SRL: variants seen among roughly 807,000 people sequenced by gnomAD.
SRL encodes the protein sarcalumenin.
SRL carries 23 observed loss-of-function variants against 39.5 expected under a neutral mutation model. The observed-to-expected ratio is 0.58, with a 90% CI of 0.42 to 0.82. The LOEUF is 0.82. Among genes scored for constraint, SRL ranks in the 40% least tolerant of loss-of-function variants. SRL has a pLI of 0.00. For synonymous variants in SRL, 272 were observed against 237.4 expected, an observed-to-expected ratio of 1.15 and a Z score of -1.34; for missense variants, 592 against 607.8, an observed-to-expected ratio of 0.97 and a Z score of 0.27.
intron 2 of SRL, among the ~76,000 whole-genome samples, chr16:4,204,214 G>C (rs62039294): frequency 3.9e-5 from 6 of 152,290 alleles, no homozygotes; most frequent in Middle Eastern, 3.4e-3. Flanking sequence ...AAATCACAGC[G>C]AGGGAGATGG....
chr16:4,197,013 A>G (rs1228123561), intron 4 of SRL, among the ~76,000 whole-genome samples: 3 of 150,070 alleles, frequency 2.0e-5, no homozygotes, highest in African/African-American at 4.9e-5. Context: ...GCTGCTATGG[A>G]CATTGGTGCA....
chr16:4,195,205 A>G (rs2052119611), intron 5 of SRL, among the ~76,000 whole-genome samples: 2 of 151,842 alleles, frequency 1.3e-5, no homozygotes, highest in Admixed American at 6.6e-5. Flanking sequence ...TTATTTATTC[A>G]TTTATTTATA....
At chr16:4,240,983 T>C (rs1244021326) in intron 1 of SRL, among the ~76,000 whole-genome samples, 1 of 151,756 alleles carries the variant, frequency 6.6e-6, no homozygotes, top group African/African-American at 2.4e-5. Flanking sequence ...AGAAATAGCT[T>C]TTGTTCCCAC....
chr16:4,199,692 C>CTTTTTTTTTTTTTT lies in SRL; in HGVS notation c.260-1778_260-1777insAAAAAAAAAAAAAA, dbSNP rs201684866. ...GCCCCTCCCCATCTTCTTTTCTTTTCCTTTTTTTTTTTTTTTTTTTTTGAG... is the reference window on the plus strand; with the variant it reads ...GCCCCTCCCCATCTTCTTTTCTTTTCTTTTTTTTTTTTTTCTTTTTTTTTTTTTTTTTTTTTGAG... On this transcript the variant is annotated intron_variant, in intron 3 of 5. Transcript: ENST00000399609. Among the ~76,000 whole-genome samples, 13 of 111,524 alleles carry CTTTTTTTTTTTTTT rather than the reference C, an allele frequency of 1.2e-4. 1 individual carries two copies. Among genetic ancestry groups the CTTTTTTTTTTTTTT allele is most frequent in the African/African-American group, 4.4e-4 (13 of 29,636 alleles). The allele number at this position is 111,524 out of a possible 152,430, so 73.2% of individuals were successfully genotyped here.
intron 1 of SRL, among the ~76,000 whole-genome samples, chr16:4,225,768 C>T (rs1192407344): frequency 1.3e-5 from 2 of 152,060 alleles, no homozygotes; most frequent in Non-Finnish European, 2.9e-5. Context: ...GTCCCCCATC[C>T]CCTGTGTGTT....
Position 4,199,765 on chromosome 16 carries a change from C to G in SRL, c.260-1850G>C, listed in dbSNP as rs2052200324. Among the ~76,000 whole-genome samples the G allele has an allele frequency of 2.1e-5, 3 of 139,912 alleles. No individual in the cohort carries two copies. The South Asian group carries it at 7.0e-4, about 33-fold the overall frequency. 91.8% of individuals were successfully genotyped at this position (139,912 alleles called of 152,430 possible). The stretch of plus-strand genomic sequence containing the variant: ...AGGCTAGAGTGCAGTGGCACAATCT[C>G]AGCTCACTGCAGCCTCTGCCTCCTG... On this transcript the variant is annotated intron_variant, in intron 3 of 5. Coordinates refer to ENST00000399609, the MANE Select transcript of SRL (RefSeq NM_001098814.2).
At chr16:4,208,673 G>A (rs530480238) in intron 1 of SRL, among the ~76,000 whole-genome samples, 1 of 152,292 alleles carries the variant, frequency 6.6e-6, no homozygotes, top group East Asian at 1.9e-4. Flanking sequence ...TACACAGCAC[G>A]GTGCTTAAGG....
At chr16:4,214,137 A>G (rs575930529) in intron 1 of SRL, among the ~76,000 whole-genome samples, 8 of 152,314 alleles carry the variant, frequency 5.3e-5, no homozygotes, top group African/African-American at 9.6e-5. Flanking sequence ...TCTGTCTTGA[A>G]GTTGAAACTA....
chr16:4,202,852 T>C (rs558602750), intron 3 of SRL, among the ~76,000 whole-genome samples: 2 of 152,192 alleles, frequency 1.3e-5, no homozygotes, highest in African/African-American at 2.4e-5. Context: ...GGGATTGAAA[T>C]AGGCATCATC....
At chr16:4,200,404 A>C (rs2052212400) in intron 3 of SRL, among the ~76,000 whole-genome samples, 1 of 152,146 alleles carries the variant, frequency 6.6e-6, no homozygotes, top group South Asian at 2.1e-4. Context: ...TCGGCTCCTC[A>C]CAGCAGGGGG....
rs2052078087 is a variant in SRL at position 4,192,363 on chromosome 16, G to A, written c.1212C>T (p.Phe404=). The part of the protein sequence containing the change: ...DLPNREAYKD[F]FGINPISSFK... ...AACTGGAAATGGGATTGATGCCGAA[G>A]AAGTCCTTATAGGCCTCGCGGTTGG... The change falls in exon 6 of 6, where the codon TTC becomes TTT. Residue 404 remains phenylalanine, a synonymous_variant. Coordinates refer to ENST00000399609, the MANE Select transcript of SRL (RefSeq NM_001098814.2). The surrounding 1 kb of genome is among the most constrained non-coding windows in gnomAD (Gnocchi z 4.0). 6.2e-7 allele frequency: 1 copy of A among 1,614,228 alleles called. No homozygotes were observed. Among genetic ancestry groups the A allele is most frequent in the Non-Finnish European group, 8.5e-7 (1 of 1,180,036 alleles).
Position 4,221,501 on chromosome 16 carries a change from G to A in SRL, c.62-16867C>T, listed in dbSNP as rs574795273. On this transcript the variant is annotated intron_variant, in intron 1 of 5. Transcript: ENST00000399609. Reference sequence around the variant, plus strand: ...TACATTCCACACTCGCTGTCCCCAGGCTGACCCTCCCCGGTCAACACTGAG... The same window carrying A: ...TACATTCCACACTCGCTGTCCCCAGACTGACCCTCCCCGGTCAACACTGAG... Among the ~76,000 whole-genome samples, 9 of 152,254 alleles carry A rather than the reference G, an allele frequency of 5.9e-5. No individual in the cohort carries two copies. The East Asian group carries it at 1.7e-3, about 29-fold the overall frequency.
rs201016399 is a variant in SRL at position 4,213,181 on chromosome 16, A to G, written c.62-8547T>C. ...GACTCATGGGGTGAGGAAAGATCAAACAGCAGAGACAGCCACCCACTTTGT... is the reference window on the plus strand; with the variant it reads ...GACTCATGGGGTGAGGAAAGATCAAGCAGCAGAGACAGCCACCCACTTTGT... On this transcript the variant is annotated intron_variant, in intron 1 of 5. Transcript: ENST00000399609. Among the ~76,000 whole-genome samples the G allele has an allele frequency of 1.2e-4, 19 of 152,166 alleles. No individual in the cohort carries two copies. In the East Asian group the frequency reaches 3.5e-3, roughly 28 times the overall value.
rs924331898 is a variant in SRL, at chr16:4,203,333, G to C, written c.164-72C>G. The C allele has an allele frequency of 5.4e-6, 7 of 1,294,356 alleles. No homozygotes were observed. The African/African-American group carries it at 1.0e-4, about 19-fold the overall frequency. 80.2% of individuals were successfully genotyped at this position (1,294,356 alleles called of 1,614,324 possible). ...CAGGCAGCTCCTCCATTGTGGAGGG[G>C]CCTCACCACCCAGGGCAGCTCCACC... On this transcript the variant is annotated intron_variant, in intron 2 of 5. Transcript: ENST00000399609.
At position 4,228,544 on chromosome 16, in the gene SRL, G is replaced by A. The variant is rs1050503944; in HGVS notation, c.61+13463C>T. Among the ~76,000 whole-genome samples, 9 of 151,916 alleles carry A rather than the reference G, an allele frequency of 5.9e-5. No individual in the cohort carries two copies. In the South Asian group the frequency reaches 8.3e-4, roughly 14 times the overall value. On this transcript the variant is annotated intron_variant, in intron 1 of 5. Coordinates refer to ENST00000399609, the MANE Select transcript of SRL (RefSeq NM_001098814.2). Reference sequence around the variant, plus strand: ...AGGTCAGGAGATCGAGACCATCCTGGCTAACACGGTGAAACCCCGTCTCTA... The same window carrying A: ...AGGTCAGGAGATCGAGACCATCCTGACTAACACGGTGAAACCCCGTCTCTA...
intron 4 of SRL, 77 bp downstream of exon 4, chr16:4,197,721 CG>C (rs957247144): frequency 9.3e-7 from 1 of 1,080,258 alleles, no homozygotes; most frequent in Non-Finnish European, 1.4e-6. Flanking sequence ...TCATAATGTC[CG>C]GCCAGTGATT....
intron 1 of SRL, chr16:4,207,797 C>A: frequency 2.2e-6 from 1 of 455,814 alleles, no homozygotes; most frequent in Non-Finnish European, 4.4e-6. Flanking sequence ...GTGGGCCATT[C>A]TTTTCCTCCC....
At chr16:4,207,233 C>T (rs978660207) in intron 1 of SRL, 1 of 457,012 alleles carries the variant, frequency 2.2e-6, no homozygotes, top group Non-Finnish European at 4.4e-6. Flanking sequence ...CACCACTTTC[C>T]TCTTCAGAGG....
At chr16:4,219,244 C>CCGT (rs1390333368) in intron 1 of SRL, among the ~76,000 whole-genome samples, 2 of 152,260 alleles carry the variant, frequency 1.3e-5, no homozygotes, top group African/African-American at 4.8e-5. Flanking sequence ...GACCCCGCAG[C>CCGT]CGTAGTCTTC....
Sources: allele counts gnomAD v4.1 joint callset (sites outside exome capture counted in the v4.1 genomes callset), GRCh38; gene constraint gnomAD v4.1.1; non-coding constraint Gnocchi (gnomAD v3.1); transcripts MANE v1.5; gene names NCBI Gene and HGNC (gene_info 2026-07-23, HGNC 2026-07-21).